The following VWA5A variants were observed in gnomAD, a reference collection of about 807,000 sequenced individuals.
The protein encoded by VWA5A is von Willebrand factor A domain containing 5A.
A neutral mutation model predicts 84.6 loss-of-function variants in VWA5A; 77 were observed. The ratio of observed to expected loss-of-function variants is 0.91; its 90% confidence interval spans 0.76 to 1.10. The LOEUF (loss-of-function observed/expected upper bound fraction) is 1.10. Among genes scored for constraint, VWA5A ranks in the 50% least tolerant of loss-of-function variants. The pLI is 0.00. For synonymous variants in VWA5A, 334 were observed against 350.1 expected (o/e 0.95, Z 0.51); for missense variants, 973 against 963.0 (o/e 1.01, Z -0.14).
Position 124,146,703 on chromosome 11 carries a change from A to T in VWA5A, c.*758A>T, listed in dbSNP as rs1860828264. 6.6e-6 allele frequency: 1 copy of T among 152,258 alleles called. No homozygotes were observed. Among genetic ancestry groups the T allele is most frequent in the African/African-American group, 2.4e-5 (1 of 41,438 alleles). The allele number at this position is 152,258 out of a possible 1,614,324, so 9.4% of individuals were successfully genotyped here. A position where few individuals can be genotyped will look rare whatever the true frequency, so the allele number is the denominator to read the frequency against. On this transcript the variant is annotated 3_prime_UTR_variant, in exon 19 of 19. Transcript: ENST00000456829. ...AAGTCAGGCCCTGATCTAGTGCAGTAAAGGGAAGGGTGGGCTTAATGGGAG... is the reference window on the plus strand; with the variant it reads ...AAGTCAGGCCCTGATCTAGTGCAGTTAAGGGAAGGGTGGGCTTAATGGGAG...
chr11:124,141,973 C>G (rs1860738930), intron 16 of VWA5A, among the ~76,000 whole-genome samples: 1 of 152,306 alleles, frequency 6.6e-6, no homozygotes, highest in East Asian at 1.9e-4. Flanking sequence ...GACTGACAAA[C>G]TAGCCTTCAA....
At chr11:124,128,000 G>C (rs1461135224) in intron 11 of VWA5A, among the ~76,000 whole-genome samples, 2 of 152,160 alleles carry the variant, frequency 1.3e-5, no homozygotes, top group Non-Finnish European at 2.9e-5. Context: ...TTGCTGTGCA[G>C]AAGTTCTTTC....
At chr11:124,136,758 C>CTCCA (rs1860600981) in intron 14 of VWA5A, 84 bp downstream of exon 14, 3 of 734,066 alleles carry the variant, frequency 4.1e-6, no homozygotes, top group Non-Finnish European at 6.3e-6. Context: ...CATTCCCTCC[C>CTCCA]TCCCTCCCTC....
chr11:124,146,155 GT>G lies in VWA5A; in HGVS notation c.*211del. The G allele has an allele frequency of 2.0e-6, 1 of 503,132 alleles. No individual in the cohort carries two copies. Among genetic ancestry groups the G allele is most frequent in the South Asian group, 2.3e-5 (1 of 43,824 alleles). The allele number at this position is 503,132 out of a possible 1,614,324, so 31.2% of individuals were successfully genotyped here. On this transcript the variant is annotated 3_prime_UTR_variant, in exon 19 of 19. Coordinates refer to ENST00000456829, the MANE Select transcript of VWA5A (RefSeq NM_001130142.2). ...AACATATGCCCTCAGAAAAGTGACA[GT>G]GGTCCCAGAACCTATTCCCTTTCTT... is the stretch of plus-strand genomic sequence containing the variant.
rs568333808 is a variant in VWA5A at position 124,134,526 on chromosome 11, A to T, written c.1245-394A>T. ...GCTAGGGGAGATATGGTACCAGCAC[A>T]TCATTAGGTAGGAACTGGTGTTAGT... On this transcript the variant is annotated intron_variant, in intron 11 of 18. Coordinates refer to ENST00000456829, the MANE Select transcript of VWA5A (RefSeq NM_001130142.2). Among the ~76,000 whole-genome samples the T allele has an allele frequency of 2.0e-4, 31 of 152,350 alleles. No individual in the cohort carries two copies. In the South Asian group the frequency reaches 3.9e-3, roughly 19 times the overall value.
Position 124,136,654 on chromosome 11 carries a change from A to G in VWA5A, c.1605A>G (p.Leu535=), listed in dbSNP as rs927986669. 2 of 1,613,822 alleles carry G rather than the reference A, an allele frequency of 1.2e-6. No homozygotes were observed. Among genetic ancestry groups the G allele is most frequent in the African/African-American group, 1.3e-5 (1 of 74,856 alleles). ...TTGAGGATAAGGTGACATTTCCTCT[A>G]CAACCCAAGCCTGATGTCAAGTGAG... is the stretch of plus-strand genomic sequence containing the variant. ...KTFEDKVTFP[L]QPKPDVNLTI... The change falls in exon 14 of 19, where the codon CTA becomes CTG. Residue 535 remains leucine, a synonymous_variant. Transcript: ENST00000456829.
chr11:124,135,150 C>T, intron 12 of VWA5A, 116 bp downstream of exon 12: 1 of 777,224 alleles, frequency 1.3e-6, no homozygotes, highest in Non-Finnish European at 2.0e-6. Context: ...ATACCTGTTC[C>T]TATATCCCCA....
chr11:124,126,380 T>C (rs1865018749), intron 11 of VWA5A, among the ~76,000 whole-genome samples: 1 of 152,222 alleles, frequency 6.6e-6, no homozygotes, highest in South Asian at 2.1e-4. Flanking sequence ...TATCCTTTCA[T>C]TTACTTTGGT....
Position 124,117,802 on chromosome 11 carries a change from A to T in VWA5A, c.173A>T (p.Asp58Val). ...TTCTTTGTGTTCCCCATGGATGAAG[A>T]CTCTGCTGTTTACAGCTTTGAGGCC... ...EAFFVFPMDE[D>V]SAVYSFEALV... Residue 58 changes from aspartate (D) to valine (V), a missense_variant, in exon 4 of 19, where the codon GAC becomes GTC. Transcript: ENST00000456829. The T allele has an allele frequency of 6.2e-7, 1 of 1,614,062 alleles. No homozygotes were observed. The highest frequency in any genetic ancestry group is 2.2e-5 in the East Asian group (1 of 44,862).
chr11:124,136,322 A>G (rs769270613), intron 13 of VWA5A, 29 bp downstream of exon 13: 28 of 1,602,320 alleles, frequency 1.7e-5, no homozygotes, highest in Non-Finnish European at 2.4e-5. Context: ...TTGTTCCTCT[A>G]GTCAAAGAGC....
At chr11:124,142,708 G>A (rs367754345) in intron 17 of VWA5A, 136 bp downstream of exon 17, 1 of 1,204,228 alleles carries the variant, frequency 8.3e-7, no homozygotes, top group Non-Finnish European at 1.1e-6. Flanking sequence ...ATAAATAGAG[G>A]CTGAAGGTTT....
intron 7 of VWA5A, among the ~76,000 whole-genome samples, chr11:124,120,392 A>G (rs1026856424): frequency 3.3e-5 from 5 of 152,180 alleles, no homozygotes; most frequent in Admixed American, 2.6e-4. Flanking sequence ...TGGAATGGAC[A>G]TGTCCTTGGT....
Position 124,136,130 on chromosome 11 carries a change from C to G in VWA5A, c.1361C>G (p.Ala454Gly). The G allele has an allele frequency of 1.2e-6, 2 of 1,613,676 alleles. No individual in the cohort carries two copies. Among genetic ancestry groups the G allele is most frequent in the South Asian group, 1.1e-5 (1 of 91,034 alleles). Reference protein sequence around the residue: ...ITGKDRMQSKALRTLKRSLQP... With the variant: ...ITGKDRMQSKGLRTLKRSLQP... The stretch of plus-strand genomic sequence containing the variant: ...ATTCTGTTCTCTTCCCCACATTAGG[C>G]TCTCAGGACTCTGAAACGCTCTCTG... The change falls in exon 13 of 19, where the codon GCT (alanine) becomes GGT (glycine). Residue 454 changes from alanine to glycine, a missense_variant and splice_region_variant. Coordinates refer to ENST00000456829, the MANE Select transcript of VWA5A (RefSeq NM_001130142.2).
chr11:124,137,086 C>T lies in VWA5A; in HGVS notation c.1697C>T (p.Ala566Val). 1 of 1,613,588 alleles carries T rather than the reference C, an allele frequency of 6.2e-7. No homozygotes were observed. The highest frequency in any genetic ancestry group is 8.5e-7 in the Non-Finnish European group (1 of 1,179,940). The change falls in exon 15 of 19, where the codon GCA (alanine) becomes GTA (valine). Residue 566 changes from alanine to valine, a missense_variant. Transcript: ENST00000456829. ...TKDMGLRETPASDKKDALNLS... is the reference protein window; with the variant it reads ...TKDMGLRETPVSDKKDALNLS... ...GACATGGGCCTCAGGGAGACTCCAG[C>T]AAGTGATAAAAAAGATGCATTGAAC...
At chr11:124,124,668 CTG>C in intron 11 of VWA5A, 10 of 649,356 alleles carry the variant, frequency 1.5e-5, no homozygotes, top group Non-Finnish European at 2.0e-5. Context: ...AGTGAATGCA[CTG>C]TGTGATCGCC....
chr11:124,141,865 C>G (rs566410168), intron 16 of VWA5A, 124 bp downstream of exon 16: 1 of 1,323,412 alleles, frequency 7.6e-7, no homozygotes, highest in Admixed American at 2.3e-5. Flanking sequence ...AGGGACCCCC[C>G]ATGCATTGGA....
At chr11:124,136,507 T>C in intron 13 of VWA5A, 67 bp from the exon 14 acceptor site, 6 of 1,548,772 alleles carry the variant, frequency 3.9e-6, no homozygotes, top group Non-Finnish European at 5.3e-6. Context: ...CTGCCCCTGT[T>C]CTGATCCTTC....
Position 124,142,782 on chromosome 11 carries a change from GT to G in VWA5A, c.2154+218del, listed in dbSNP as rs111751268. Among the ~76,000 whole-genome samples the G allele has an allele frequency of 1.1e-3, 162 of 151,870 alleles. 2 individuals are homozygous for G. The highest frequency in any genetic ancestry group is 3.5e-3 in the African/African-American group (147 of 41,420). ...GGGGAAGCTAGTAGGAATTGATGGGGTTTTTTTTGCTGGTGGATGACAAAGG... is the reference window on the plus strand; with the variant it reads ...GGGGAAGCTAGTAGGAATTGATGGGGTTTTTTTGCTGGTGGATGACAAAGG... On this transcript the variant is annotated intron_variant, in intron 17 of 18. Transcript: ENST00000456829.
At chr11:124,117,016 A>G (rs1270040174) in intron 2 of VWA5A, among the ~76,000 whole-genome samples, 4 of 152,228 alleles carry the variant, frequency 2.6e-5, no homozygotes, top group African/African-American at 9.6e-5. Flanking sequence ...AACAACAATA[A>G]TAGGGACAAT....
Sources: gnomAD v4.1 joint callset for allele counts (sites outside exome capture counted in the v4.1 genomes callset) on GRCh38, gnomAD v4.1.1 for gene constraint, MANE v1.5 for transcripts, NCBI Gene and HGNC (gene_info 2026-07-23, HGNC 2026-07-21) for gene names.